The following SHTN1 variants were observed in gnomAD, a reference collection of about 807,000 sequenced individuals.
SHTN1 encodes shootin 1.
In SHTN1, 42 loss-of-function variants were observed where a neutral mutation model predicts 83.1. That is an observed-to-expected ratio of 0.51 (90% CI 0.39 to 0.65). The LOEUF is 0.65. Ranked by LOEUF, SHTN1 falls within the 30% of genes least tolerant of loss-of-function variation. The pLI, the probability that SHTN1 is intolerant of heterozygous loss-of-function variation, is 0.00. For missense variants in SHTN1, 622 were observed against 737.8 expected (o/e 0.84, Z 1.82); for synonymous variants, 224 against 247.7 (o/e 0.90, Z 0.90).
Position 116,886,189 on chromosome 10 carries a change from T to G in SHTN1, c.*155A>C. On this transcript the variant is annotated 3_prime_UTR_variant, in exon 17 of 17. Transcript: ENST00000355371. ...TTTTGCTAAACAGCTTACTTATGTT[T>G]ATAGTTGCTACTTACAAAAGTGACA... 3 of 1,057,200 alleles carry G rather than the reference T, an allele frequency of 2.8e-6. No individual in the cohort carries two copies. Among genetic ancestry groups the G allele is most frequent in the Non-Finnish European group, 4.0e-6 (3 of 747,028 alleles). 65.5% of individuals were successfully genotyped at this position (1,057,200 alleles called of 1,614,324 possible).
At chr10:116,920,038 A>C (rs1467710407) in intron 12 of SHTN1, among the ~76,000 whole-genome samples, 3 of 152,200 alleles carry the variant, frequency 2.0e-5, no homozygotes, top group Non-Finnish European at 4.4e-5. Flanking sequence ...GAGAGGTGGA[A>C]ATAACTCAAA....
At position 116,960,211 on chromosome 10, in the gene SHTN1, C is replaced by T; in HGVS notation, c.192G>A (p.Glu64=). 6.2e-7 allele frequency: 1 copy of T among 1,603,792 alleles called. No individual in the cohort carries two copies. Among genetic ancestry groups the T allele is most frequent in the Non-Finnish European group, 8.5e-7 (1 of 1,171,180 alleles). ...GATGGTTCTGCATGAAATTAACTTC[C>T]TCTATGACCATGTGAGAAACTAGGA... The part of the protein sequence containing the change: ...EFQKISHMVI[E]EVNFMQNHLE... The change falls in exon 4 of 17, where the codon GAG becomes GAA. Residue 64 remains glutamate, a synonymous_variant. Coordinates refer to ENST00000355371, the MANE Select transcript of SHTN1 (RefSeq NM_001127211.3).
At chr10:117,000,213 A>T (rs1038381871) in intron 1 of SHTN1, among the ~76,000 whole-genome samples, 1 of 152,160 alleles carries the variant, frequency 6.6e-6, no homozygotes, top group Non-Finnish European at 1.5e-5. Flanking sequence ...TCTCATATGC[A>T]CCCAAGATTG....
chr10:117,101,949 A>T (rs75834010), intron 1 of SHTN1, among the ~76,000 whole-genome samples: 3,669 of 152,038 alleles, frequency 0.024, 131 homozygotes, highest in East Asian at 0.13. Context: ...AATTATTTTT[A>T]AAAAAATTAT....
intron 2 of SHTN1, among the ~76,000 whole-genome samples, chr10:117,037,211 G>C (rs540615727): frequency 6.6e-6 from 1 of 152,252 alleles, no homozygotes; most frequent in East Asian, 1.9e-4. Flanking sequence ...GCTGAGATGG[G>C]AGGATTGCTT....
intron 16 of SHTN1, among the ~76,000 whole-genome samples, chr10:116,889,475 T>A (rs1245677607): frequency 1.3e-5 from 2 of 152,170 alleles, no homozygotes; most frequent in African/African-American, 2.4e-5. Flanking sequence ...GGAGAGTGAC[T>A]GGTTTCTCAA....
intron 1 of SHTN1, among the ~76,000 whole-genome samples, chr10:117,103,530 C>CTTTTTTTTTTTTTTTTTTTTTTTTTT (rs35229163): frequency 1.3e-5 from 1 of 77,502 alleles, no homozygotes; most frequent in Non-Finnish European, 2.2e-5. Flanking sequence ...CCTCCCCTCT[C>CTTTTTTTTTTTTTTTTTTTTTTTTTT]TTTTTTTTTT....
At chr10:117,006,395 T>G (rs1432294977), upstream of SHTN1, among the ~76,000 whole-genome samples, 1 of 151,600 alleles carries the variant, frequency 6.6e-6, no homozygotes, top group African/African-American at 2.4e-5. Context: ...TGAAACCCCG[T>G]CTCTACTAAA....
intron 15 of SHTN1, among the ~76,000 whole-genome samples, chr10:116,904,925 G>C (rs1327290625): frequency 6.6e-6 from 1 of 152,164 alleles, no homozygotes; most frequent in Non-Finnish European, 1.5e-5. Flanking sequence ...GTGTTGGCCG[G>C]GCGCGGTGGC....
At chr10:117,002,172 C>T (rs946208622) in intron 1 of SHTN1, among the ~76,000 whole-genome samples, 4 of 152,130 alleles carry the variant, frequency 2.6e-5, no homozygotes, top group East Asian at 1.9e-4. Context: ...AGTAAATGTC[C>T]GTGCCCTCTA....
intron 1 of SHTN1, among the ~76,000 whole-genome samples, chr10:116,983,684 ATAAAT>A (rs1851123205): frequency 7.2e-5 from 6 of 83,392 alleles, no homozygotes; most frequent in South Asian, 4.8e-4. Context: ...AGATAGATAG[ATAAAT>A]ACATACATAC....
intron 1 of SHTN1, among the ~76,000 whole-genome samples, chr10:117,104,488 C>T (rs982240981): frequency 1.3e-5 from 2 of 151,904 alleles, no homozygotes; most frequent in African/African-American, 4.8e-5. Flanking sequence ...TAGTAGCTCT[C>T]GGCCAGGCGC....
intron 1 of SHTN1, among the ~76,000 whole-genome samples, chr10:117,000,859 G>C (rs927149130): frequency 6.6e-6 from 1 of 152,146 alleles, no homozygotes; most frequent in Non-Finnish European, 1.5e-5. Context: ...ACTATCTCTA[G>C]ACCAGGAACT....
intron 2 of SHTN1, among the ~76,000 whole-genome samples, chr10:116,973,597 T>C (rs1232038978): frequency 6.6e-6 from 1 of 152,178 alleles, no homozygotes; most frequent in East Asian, 1.9e-4. Context: ...CAAAAACTTA[T>C]GATCTACCAC....
chr10:117,122,464 C>T (rs1853944580), intron 1 of SHTN1, among the ~76,000 whole-genome samples: 1 of 152,188 alleles, frequency 6.6e-6, no homozygotes, highest in South Asian at 2.1e-4. Flanking sequence ...CTTGTGTGAG[C>T]CACTGCACCT....
At chr10:117,005,199 C>T (rs1194934660), upstream of SHTN1, 2 of 1,525,140 alleles carry the variant, frequency 1.3e-6, no homozygotes, top group South Asian at 1.2e-5. Context: ...AAGTTGGATC[C>T]GCTCCCGCTC....
In SHTN1 at chr10:116,911,802, T is replaced by G. The variant is rs779566302; in HGVS notation, c.1347A>C (p.Leu449=). Residue 449 remains leucine (L), a synonymous_variant, in exon 14 of 17, where the codon CTA becomes CTC. Transcript: ENST00000355371. Reference sequence around the variant, plus strand: ...AATCTATTCTTACCAGTATTCCTTTTAGTTCATCCACTGCACTTTCGCAGC... The same window carrying G: ...AATCTATTCTTACCAGTATTCCTTTGAGTTCATCCACTGCACTTTCGCAGC... ...SKGCESAVDE[L]KGILGTLNKS... 2 of 1,612,556 alleles carry G rather than the reference T, an allele frequency of 1.2e-6. No homozygotes were observed.
rs574551178 is a variant in SHTN1 at position 117,114,034 on chromosome 10, G to A, written c.-189+12273C>T. Among the ~76,000 whole-genome samples the A allele has an allele frequency of 9.2e-5, 14 of 152,110 alleles. No homozygotes were observed. In the South Asian group the frequency reaches 2.7e-3, roughly 29 times the overall value. On this transcript the variant is annotated intron_variant, in intron 1 of 17. Coordinates refer to the SHTN1 transcript ENST00000392901. The stretch of plus-strand genomic sequence containing the variant: ...TGCACTGCAGCATGGACGACAGAGC[G>A]AGACTCCGTCTCAAAAATAAAATAA...
intron 2 of SHTN1, among the ~76,000 whole-genome samples, chr10:117,029,570 C>T (rs569222204): frequency 2.6e-5 from 4 of 152,244 alleles, no homozygotes; most frequent in African/African-American, 9.6e-5. Context: ...GTGATTGAAT[C>T]ATGGGGGCAG....
Sources: allele counts gnomAD v4.1 joint callset (sites outside exome capture counted in the v4.1 genomes callset), GRCh38; gene constraint gnomAD v4.1.1; transcripts MANE v1.5; gene names NCBI Gene and HGNC (gene_info 2026-07-23, HGNC 2026-07-21).